Variants in EDIL3 observed in about 807,000 individuals in gnomAD.
EDIL3 encodes the protein EGF like and discoidin domains 3, also known as EGF-like repeat and discoidin I-like domain-containing protein 3.
A neutral mutation model predicts 67.4 loss-of-function variants in EDIL3; 37 were observed. That is an observed-to-expected ratio of 0.55 (90% confidence interval 0.42 to 0.72). The LOEUF is 0.72. Among genes scored for constraint, EDIL3 ranks in the 30% least tolerant of loss-of-function variants. EDIL3 has a pLI of 0.00. For synonymous variants in EDIL3, 195 were observed against 196.3 expected, an observed-to-expected ratio of 0.99 and a Z score of 0.05; for missense variants, 527 against 586.3, an observed-to-expected ratio of 0.90 and a Z score of 1.04.
chr5:84,137,184 T>TATACACACACACAC lies in EDIL3; in HGVS notation c.469+56_469+57insGTGTGTGTGTGTAT, dbSNP rs533756025. 9.2e-5 allele frequency: 83 copies of TATACACACACACAC among 901,888 alleles called. No homozygotes were observed. In the African/African-American group the frequency reaches 1.3e-3, roughly 15 times the overall value. 55.9% of individuals were successfully genotyped at this position (901,888 alleles called of 1,614,324 possible). A position where few individuals can be genotyped will look rare whatever the true frequency, so the allele number is the denominator to read the frequency against. ...ATACATATATGTGTGTGTGTATACA[T>TATACACACACACAC]ACACACACACACACACACACACACA... is the stretch of plus-strand genomic sequence containing the variant. On this transcript the variant is annotated intron_variant, in intron 5 of 10. Transcript: ENST00000296591.
chr5:84,168,146 A>G (rs1471061509), intron 4 of EDIL3, among the ~76,000 whole-genome samples: 1 of 152,198 alleles, frequency 6.6e-6, no homozygotes, highest in South Asian at 2.1e-4. Flanking sequence ...AAAGGCTGAC[A>G]TTAGTAAATA....
chr5:84,326,005 C>T (rs1455127471), intron 1 of EDIL3, among the ~76,000 whole-genome samples: 2 of 152,058 alleles, frequency 1.3e-5, no homozygotes, highest in Non-Finnish European at 2.9e-5. Flanking sequence ...AGAAGTGGGA[C>T]CTTTAAGTGG....
intron 9 of EDIL3, among the ~76,000 whole-genome samples, chr5:83,973,192 G>A (rs1744821814): frequency 6.6e-6 from 1 of 151,922 alleles, no homozygotes; most frequent in Non-Finnish European, 1.5e-5. Flanking sequence ...TTAGTCTGGG[G>A]ACTTTGACTT....
chr5:84,183,264 T>C (rs1338611250), intron 3 of EDIL3, among the ~76,000 whole-genome samples: 1 of 152,110 alleles, frequency 6.6e-6, no homozygotes, highest in East Asian at 1.9e-4. Flanking sequence ...CAGTGACAGA[T>C]TGAGGCCTCA....
intron 1 of EDIL3, among the ~76,000 whole-genome samples, chr5:84,263,371 A>G (rs887497896): frequency 6.6e-6 from 1 of 152,242 alleles, no homozygotes; most frequent in Non-Finnish European, 1.5e-5. Flanking sequence ...AGATGAAGGC[A>G]CATCCACAGG....
intron 1 of EDIL3, among the ~76,000 whole-genome samples, chr5:84,270,300 T>C (rs1316417401): frequency 1.3e-5 from 2 of 152,174 alleles, no homozygotes; most frequent in Non-Finnish European, 2.9e-5. Flanking sequence ...GGGCCATGAA[T>C]GTTAAATGTT....
chr5:83,999,414 G>A (rs1374944273), intron 9 of EDIL3, among the ~76,000 whole-genome samples: 2 of 152,028 alleles, frequency 1.3e-5, no homozygotes, highest in African/African-American at 2.4e-5. Flanking sequence ...CATGAAGAAG[G>A]AATTCAGAAT....
intron 7 of EDIL3, among the ~76,000 whole-genome samples, chr5:84,065,842 G>C (rs943683245): frequency 6.6e-6 from 1 of 151,912 alleles, no homozygotes; most frequent in African/African-American, 2.4e-5. Flanking sequence ...TCAGCCGGGC[G>C]CGGTGGCTCA....
chr5:83,955,373 T>C (rs1228076158), intron 10 of EDIL3, among the ~76,000 whole-genome samples: 1 of 151,534 alleles, frequency 6.6e-6, no homozygotes, highest in Non-Finnish European at 1.5e-5. Context: ...ATAATACTGC[T>C]ATGTAACATA....
At chr5:84,078,970 C>T (rs1009676665) in intron 6 of EDIL3, 1 of 152,110 alleles carries the variant, frequency 6.6e-6, no homozygotes, top group African/African-American at 2.4e-5. Context: ...AACTTCAGCC[C>T]CACCCCTGCC....
intron 4 of EDIL3, among the ~76,000 whole-genome samples, chr5:84,146,107 G>C (rs1444915162): frequency 6.6e-6 from 1 of 152,090 alleles, no homozygotes; most frequent in East Asian, 1.9e-4. Context: ...TAGCCAAACA[G>C]CACTACAGGA....
intron 6 of EDIL3, among the ~76,000 whole-genome samples, chr5:84,086,548 C>A (rs138375511): frequency 0.013 from 2,022 of 152,202 alleles, 14 homozygotes; most frequent in South Asian, 0.04. Context: ...AATCAACTAC[C>A]TTCTGTGTTG....
intron 1 of EDIL3, among the ~76,000 whole-genome samples, chr5:84,262,658 G>GTTTTTTTTTTTTT (rs1561238679): frequency 5.6e-5 from 2 of 35,480 alleles, no homozygotes; most frequent in Admixed American, 4.3e-4. Context: ...AAGGTTGGTT[G>GTTTTTTTTTTTTT]GTTTTTTTTT....
intron 2 of EDIL3, among the ~76,000 whole-genome samples, chr5:84,231,572 A>ACATCTG (rs3836848): frequency 0.08 from 12,181 of 152,214 alleles, 582 homozygotes; most frequent in South Asian, 0.2. Context: ...CGTTAAGGTT[A>ACATCTG]CATCTGCGCA....
chr5:84,077,251 T>C (rs1039090752), intron 6 of EDIL3, among the ~76,000 whole-genome samples: 3 of 152,178 alleles, frequency 2.0e-5, no homozygotes, highest in African/African-American at 7.2e-5. Flanking sequence ...AATATCGTCT[T>C]AGAAATATTA....
chr5:84,328,454 G>A (rs114240866), intron 1 of EDIL3, among the ~76,000 whole-genome samples: 2 of 152,156 alleles, frequency 1.3e-5, no homozygotes, highest in African/African-American at 4.8e-5. Flanking sequence ...ACCTTTGCAT[G>A]TCCACACTCA....
intron 9 of EDIL3, among the ~76,000 whole-genome samples, chr5:84,046,781 G>A (rs1002683656): frequency 6.6e-6 from 1 of 152,146 alleles, no homozygotes. Context: ...AAATTCATTT[G>A]CACACACAGG....
At chr5:84,017,375 A>C (rs1256852659) in intron 9 of EDIL3, among the ~76,000 whole-genome samples, 1 of 152,202 alleles carries the variant, frequency 6.6e-6, no homozygotes, top group Non-Finnish European at 1.5e-5. Context: ...TTTTAAAGAC[A>C]GTTTCACTTG....
chr5:83,988,638 A>AT (rs1163428608), intron 9 of EDIL3, among the ~76,000 whole-genome samples: 1 of 152,162 alleles, frequency 6.6e-6, no homozygotes, highest in Non-Finnish European at 1.5e-5. Context: ...AGTAGCCTTC[A>AT]TAACAACTGC....
Sources: gnomAD v4.1 joint callset for allele counts (sites outside exome capture counted in the v4.1 genomes callset) on GRCh38, gnomAD v4.1.1 for gene constraint, MANE v1.5 for transcripts, NCBI Gene and HGNC (gene_info 2026-07-23, HGNC 2026-07-21) for gene names.